The following TBC1D12 variants were observed in gnomAD, a reference collection of about 807,000 sequenced individuals.
The protein encoded by TBC1D12 is TBC1 domain family member 12.
Under a neutral mutation model 86.7 loss-of-function variants are expected in TBC1D12, and 56 were observed. The observed-to-expected ratio is 0.65, with a 90% CI of 0.52 to 0.81. The LOEUF (loss-of-function observed/expected upper bound fraction) is 0.81, where lower values mean the gene tolerates loss of function less well. TBC1D12 is among the 30% of genes least tolerant of loss of function. The pLI, the probability that TBC1D12 is intolerant of heterozygous loss-of-function variation, is 0.00. For synonymous variants in TBC1D12, 421 were observed against 411.7 expected (o/e 1.02, Z -0.27); for missense variants, 1,023 against 1,038.8 (o/e 0.98, Z 0.21).
chr10:94,423,508 C>T (rs372048280), intron 1 of TBC1D12, among the ~76,000 whole-genome samples: 6 of 151,890 alleles, frequency 4.0e-5, no homozygotes, highest in African/African-American at 7.3e-5. Context: ...CTACCACGCC[C>T]GGCTAATTTT....
chr10:94,447,940 C>G (rs1030019201), intron 2 of TBC1D12, among the ~76,000 whole-genome samples: 5 of 150,418 alleles, frequency 3.3e-5, no homozygotes, highest in African/African-American at 1.2e-4. Context: ...GTGAAACTTA[C>G]CTTTTTTTGC....
chr10:94,411,204 G>A (rs2054923197), intron 1 of TBC1D12, among the ~76,000 whole-genome samples: 1 of 152,128 alleles, frequency 6.6e-6, no homozygotes, highest in Non-Finnish European at 1.5e-5. Flanking sequence ...CAGTGCATCA[G>A]CTCTTCTTTC....
intron 3 of TBC1D12, among the ~76,000 whole-genome samples, chr10:94,476,250 A>G (rs970892518): frequency 6.6e-6 from 1 of 152,144 alleles, no homozygotes; most frequent in Admixed American, 6.6e-5. Context: ...AGAGCATAGA[A>G]TATTTTTTGG....
intron 2 of TBC1D12, among the ~76,000 whole-genome samples, chr10:94,467,527 C>T (rs886481346): frequency 3.3e-5 from 5 of 152,138 alleles, no homozygotes; most frequent in African/African-American, 7.2e-5. Flanking sequence ...CCACTGTGCC[C>T]GGCCCTGTAC....
intron 6 of TBC1D12, among the ~76,000 whole-genome samples, chr10:94,506,040 A>ATT (rs2056456091): frequency 3.3e-5 from 3 of 89,772 alleles, no homozygotes; most frequent in African/African-American, 1.8e-4. Context: ...TACTTTTTGA[A>ATT]ATTTTTTTTT....
chr10:94,473,392 AG>A (rs1192267147), intron 2 of TBC1D12, among the ~76,000 whole-genome samples: 2 of 151,826 alleles, frequency 1.3e-5, no homozygotes, highest in African/African-American at 4.8e-5. Flanking sequence ...GAAAAAAAAA[AG>A]ATTATCAAAT....
chr10:94,403,635 A>G (rs945015052), intron 1 of TBC1D12, 51 bp downstream of exon 1: 6 of 1,386,960 alleles, frequency 4.3e-6, no homozygotes, highest in South Asian at 3.4e-5. Flanking sequence ...CCGGGGCCGG[A>G]GCCGGGGTCT....
intron 6 of TBC1D12, among the ~76,000 whole-genome samples, chr10:94,501,072 A>G (rs200415601): frequency 1.5e-4 from 22 of 143,358 alleles, no homozygotes; most frequent in Non-Finnish European, 2.6e-4. Context: ...ATGAATGAAT[A>G]AATGAATGAA....
intron 11 of TBC1D12, among the ~76,000 whole-genome samples, 183 bp from the exon 12 acceptor site, chr10:94,531,019 C>G (rs540559433): frequency 6.6e-6 from 1 of 152,100 alleles, no homozygotes; most frequent in Non-Finnish European, 1.5e-5. Flanking sequence ...GCCACCATGC[C>G]CAGCTAATTT....
rs1301562289 is a variant in TBC1D12 at position 94,510,147 on chromosome 10, C to T, written c.1657C>T (p.Arg553Cys). ...SLELIKLDIS[R>C]TFPSLYIFQK... ...GGAATTAATTAAGTTGGACATATCC[C>T]GTACATTTCCATCTCTCTACATCTT... The change falls in exon 8 of 13, where the codon CGT (arginine) becomes TGT (cysteine). Residue 553 changes from arginine (R) to cysteine (C), a missense_variant. Around this residue, in one of 2 missense-constraint regions of TBC1D12, gnomAD observed 395 missense variants for 507.7 expected, o/e 0.78. Coordinates refer to ENST00000225235, the MANE Select transcript of TBC1D12 (RefSeq NM_015188.2). 6.8e-6 allele frequency: 11 copies of T among 1,606,826 alleles called. No homozygotes were observed. Among genetic ancestry groups the T allele is most frequent in the Admixed American group, 1.7e-5 (1 of 57,874 alleles).
At chr10:94,437,033 G>A (rs1393171532) in intron 1 of TBC1D12, among the ~76,000 whole-genome samples, 1 of 151,058 alleles carries the variant, frequency 6.6e-6, no homozygotes, top group Non-Finnish European at 1.5e-5. Context: ...GGATAGTTTT[G>A]TTGGATATGG....
chr10:94,419,769 T>C (rs2097307573), intron 1 of TBC1D12, among the ~76,000 whole-genome samples: 1 of 152,174 alleles, frequency 6.6e-6, no homozygotes, highest in African/African-American at 2.4e-5. Context: ...TTAACCAGTG[T>C]AATTTAGTTT....
At position 94,522,059 on chromosome 10, in the gene TBC1D12, C is replaced by T; in HGVS notation, c.1866C>T (p.Ala622=). Reference sequence around the variant, plus strand: ...TCCTGAATAAGCCATGCCAGTTGGCCTTTTTTCGTGTGGATCACAGCATGG... The same window carrying T: ...TCCTGAATAAGCCATGCCAGTTGGCTTTTTTTCGTGTGGATCACAGCATGG... The part of the protein sequence containing the change: ...ANLLNKPCQL[A]FFRVDHSMML... Residue 622 remains alanine, a synonymous_variant, in exon 10 of 13, where the codon GCC becomes GCT. Transcript: ENST00000225235. The T allele has an allele frequency of 6.2e-7, 1 of 1,612,316 alleles. No homozygotes were observed. The highest frequency in any genetic ancestry group is 1.7e-5 in the Admixed American group (1 of 59,964).
intron 7 of TBC1D12, chr10:94,509,682 G>A (rs905203134): frequency 2.3e-5 from 4 of 176,866 alleles, no homozygotes; most frequent in Non-Finnish European, 4.7e-5. Flanking sequence ...GATACCCCTA[G>A]GAAGAAAAAT....
rs1479303651 is a variant in TBC1D12, at chr10:94,471,296, GCTCATTCCT to G, written c.1096-3368_1096-3360del. On this transcript the variant is annotated intron_variant, in intron 2 of 12. Coordinates refer to ENST00000225235, the MANE Select transcript of TBC1D12 (RefSeq NM_015188.2). ...GTATCTCCAAAAAAAAAAAAAAAAA[GCTCATTCCT>G]CTCGTAGATACATAAATTATATTCT... 4.4e-3 allele frequency among the ~76,000 whole-genome samples: 638 copies of G among 143,530 alleles called. 4 individuals carry two copies. The highest frequency in any genetic ancestry group is 0.015 in the African/African-American group (592 of 38,546). 94.2% of individuals were successfully genotyped at this position (143,530 alleles called of 152,430 possible).
intron 2 of TBC1D12, among the ~76,000 whole-genome samples, chr10:94,449,093 C>T (rs1158174367): frequency 6.6e-6 from 1 of 152,040 alleles, no homozygotes; most frequent in African/African-American, 2.4e-5. Context: ...TAAGTTTTCA[C>T]AAATTAAACG....
chr10:94,402,759 CGGA>C lies in TBC1D12; in HGVS notation c.152_154del (p.Glu51del). On this transcript the variant is annotated inframe_deletion, in exon 1 of 13. Coordinates refer to ENST00000225235, the MANE Select transcript of TBC1D12 (RefSeq NM_015188.2). ...GGAGGCGTCGGCGCTGTGGAGCCGCCGGAGGAGGCTGACGAGGAGGAGGAGGCT... is the reference window on the plus strand; with the variant it reads ...GGAGGCGTCGGCGCTGTGGAGCCGCCGGAGGCTGACGAGGAGGAGGAGGCT... 7 of 1,550,376 alleles carry C rather than the reference CGGA, an allele frequency of 4.5e-6. No homozygotes were observed. The highest frequency in any genetic ancestry group is 6.1e-6 in the Non-Finnish European group (7 of 1,146,972).
chr10:94,532,635 A>C (rs1373633373), intron 12 of TBC1D12, among the ~76,000 whole-genome samples: 1 of 152,248 alleles, frequency 6.6e-6, no homozygotes, highest in African/African-American at 2.4e-5. Flanking sequence ...AGTTGAAAGA[A>C]TATATAATGT....
At chr10:94,506,068 G>T (rs192741578) in intron 6 of TBC1D12, among the ~76,000 whole-genome samples, 100 of 148,718 alleles carry the variant, frequency 6.7e-4, no homozygotes, top group Non-Finnish European at 1.2e-3. Flanking sequence ...ACGGAGTCTC[G>T]CTTTGTTGCC....
Sources: gnomAD v4.1 joint callset for allele counts (sites outside exome capture counted in the v4.1 genomes callset) on GRCh38, gnomAD v4.1.1 for gene constraint, gnomAD v4.1.1 regional missense constraint, MANE v1.5 for transcripts, NCBI Gene and HGNC (gene_info 2026-07-23, HGNC 2026-07-21) for gene names.